The following RPS6KA6 variants were observed in gnomAD, a reference collection of about 807,000 sequenced individuals.
RPS6KA6 encodes ribosomal protein S6 kinase A6, also known as ribosomal protein S6 kinase alpha-6.
Under a neutral mutation model 65.4 loss-of-function variants are expected in RPS6KA6, and 27 were observed. The observed-to-expected ratio is 0.41, with a 90% CI of 0.30 to 0.57. The LOEUF (loss-of-function observed/expected upper bound fraction) is 0.57, where lower values mean the gene tolerates loss of function less well. RPS6KA6 is among the 20% of genes least tolerant of loss of function. The pLI is 0.24. For synonymous variants in RPS6KA6, 190 were observed against 184.2 expected (o/e 1.03, Z -0.26); for missense variants, 486 against 555.6 (o/e 0.87, Z 1.26).
intron 1 of RPS6KA6, among the ~76,000 whole-genome samples, chrX:84,172,204 T>C (rs752201193): frequency 8.9e-6 from 1 of 112,053 alleles, no homozygotes; most frequent in South Asian, 3.7e-4. Context: ...TAAACATACG[T>C]GTGCATGTGT....
intron 20 of RPS6KA6, among the ~76,000 whole-genome samples, chrX:84,072,154 T>C (rs753870150): frequency 9.0e-6 from 1 of 111,486 alleles, no homozygotes; most frequent in Non-Finnish European, 1.9e-5. Context: ...AGAACATAGA[T>C]GCAAAAATCC....
chrX:84,059,813 T>C lies in RPS6KA6; in HGVS notation c.*4464A>G, dbSNP rs773500217. ...TACAAAGCAAACCCTAACTTGGCAATTACATATATATATTTATTTATAAGC... is the reference window on the plus strand; with the variant it reads ...TACAAAGCAAACCCTAACTTGGCAACTACATATATATATTTATTTATAAGC... On this transcript the variant is annotated 3_prime_UTR_variant, in exon 22 of 22. Transcript: ENST00000262752. The C allele has an allele frequency of 9.9e-5, 11 of 110,861 alleles. No homozygotes were observed. The highest frequency in any genetic ancestry group is 3.6e-4 in the African/African-American group (11 of 30,829). 9.1% of individuals were successfully genotyped at this position (110,861 alleles called of 1,213,427 possible). A position where few individuals can be genotyped will look rare whatever the true frequency, so the allele number is the denominator to read the frequency against.
At chrX:84,167,523 C>T (rs1320281100) in intron 1 of RPS6KA6, among the ~76,000 whole-genome samples, 2 of 110,474 alleles carry the variant, frequency 1.8e-5, no homozygotes, top group African/African-American at 6.6e-5. Context: ...ATAATTGGTT[C>T]AACGGGTTGG....
chrX:84,177,910 T>A (rs1219855932), intron 1 of RPS6KA6, among the ~76,000 whole-genome samples: 2 of 111,111 alleles, frequency 1.8e-5, no homozygotes, highest in Non-Finnish European at 3.8e-5. Flanking sequence ...TCCTCCCACC[T>A]CAGCTCCACA....
intron 6 of RPS6KA6, 138 bp from the exon 7 acceptor site, chrX:84,135,348 G>A: frequency 2.5e-6 from 1 of 404,407 alleles, no homozygotes; most frequent in Non-Finnish European, 4.3e-6. Flanking sequence ...TTATTTGACT[G>A]GCATAATTAT....
At chrX:84,084,625 T>A (rs1003851997) in intron 20 of RPS6KA6, among the ~76,000 whole-genome samples, 1 of 112,285 alleles carries the variant, frequency 8.9e-6, no homozygotes, top group Non-Finnish European at 1.9e-5. Flanking sequence ...TGTAGTATAG[T>A]TTGAAGTCAA....
chrX:84,150,856 T>G (rs776355456), intron 3 of RPS6KA6, among the ~76,000 whole-genome samples: 1 of 95,590 alleles, frequency 1.0e-5, no homozygotes, highest in East Asian at 3.5e-4. Context: ...GATATATATA[T>G]ATAGAGGATA....
At chrX:84,166,887 T>C (rs2035604173) in intron 1 of RPS6KA6, among the ~76,000 whole-genome samples, 1 of 111,350 alleles carries the variant, frequency 9.0e-6, no homozygotes, top group Non-Finnish European at 1.9e-5. Flanking sequence ...TATTGAATTG[T>C]ATATTTTAAA....
chrX:84,065,603 C>T lies in RPS6KA6; in HGVS notation c.1972-492G>A, dbSNP rs192972917. On this transcript the variant is annotated intron_variant, in intron 20 of 21. Transcript: ENST00000262752. The stretch of plus-strand genomic sequence containing the variant: ...TAAATCCAATGTTAGCAAGTGGCTT[C>T]TATCATAGTAGTCCCCAGTGCATTT... Among the ~76,000 whole-genome samples, 15 of 111,957 alleles carry T rather than the reference C, an allele frequency of 1.3e-4. No individual in the cohort carries two copies. In the Admixed American group the frequency reaches 1.4e-3, roughly 11 times the overall value.
At chrX:84,165,348 CCT>C (rs1406621437) in intron 1 of RPS6KA6, among the ~76,000 whole-genome samples, 1 of 110,847 alleles carries the variant, frequency 9.0e-6, no homozygotes, top group African/African-American at 3.3e-5. Context: ...CCTATCTCCC[CCT>C]ATTATAAACT....
intron 9 of RPS6KA6, among the ~76,000 whole-genome samples, chrX:84,119,505 A>T (rs1380266666): frequency 9.0e-6 from 1 of 111,596 alleles, no homozygotes; most frequent in Non-Finnish European, 1.9e-5. Flanking sequence ...TTTCTAGGGA[A>T]TACATGGAAC....
rs923261785 is a variant in RPS6KA6 at position 84,148,480 on chromosome X, CA to C, written c.259-358del. Among the ~76,000 whole-genome samples, 19 of 110,253 alleles carry C rather than the reference CA, an allele frequency of 1.7e-4. No individual in the cohort carries two copies. The South Asian group carries it at 2.7e-3, about 16-fold the overall frequency. On this transcript the variant is annotated intron_variant, in intron 3 of 21. Transcript: ENST00000262752. ...TCTTAGATTTAATTTAGTTTTTAAT[CA>C]AAAAAACTGTTATGATTTAATAAAT...
Position 84,064,355 on chromosome X carries a change from T to C in RPS6KA6, c.2160A>G (p.Gln720=). 1.7e-6 allele frequency: 2 copies of C among 1,208,051 alleles called. No homozygotes were observed. The highest frequency in any genetic ancestry group is 2.3e-4 in the Middle Eastern group (1 of 4,346). Reference sequence around the variant, plus strand: ...AAGCAGCTACAGGCTCTAGGACTGGTTGAAAGGTCTTGTGAGTCAGGGCAG... The same window carrying C: ...AAGCAGCTACAGGCTCTAGGACTGGCTGAAAGGTCTTGTGAGTCAGGGCAG... The part of the protein sequence containing the change: ...TYSALTHKTF[Q]PVLEPVAASS... The change falls in exon 22 of 22, where the codon CAA becomes CAG. Residue 720 remains glutamine (Q), a synonymous_variant. Coordinates refer to ENST00000262752, the MANE Select transcript of RPS6KA6 (RefSeq NM_014496.5).
intron 8 of RPS6KA6, among the ~76,000 whole-genome samples, chrX:84,127,155 C>T (rs745455546): frequency 9.9e-5 from 11 of 111,000 alleles, no homozygotes; most frequent in Admixed American, 8.6e-4. Context: ...GGAAATATTA[C>T]GACTGATACC....
intron 10 of RPS6KA6, 40 bp downstream of exon 10, chrX:84,117,344 G>C: frequency 1.1e-6 from 1 of 925,670 alleles, no homozygotes; most frequent in Non-Finnish European, 1.5e-6. Context: ...GAAAGCAAGA[G>C]ATTTTTTTCC....
chrX:84,087,237 G>C (rs1166284204), intron 20 of RPS6KA6, among the ~76,000 whole-genome samples: 1 of 109,412 alleles, frequency 9.1e-6, no homozygotes, highest in East Asian at 2.8e-4. Context: ...TTATGTGGTT[G>C]TTTCATAATG....
At chrX:84,156,373 C>G (rs897194822) in intron 2 of RPS6KA6, among the ~76,000 whole-genome samples, 182 bp from the exon 3 acceptor site, 6 of 111,114 alleles carry the variant, frequency 5.4e-5, no homozygotes, top group Non-Finnish European at 7.6e-5. Context: ...GATGCACCAC[C>G]ACCACCTTCC....
chrX:84,074,729 T>C (rs906897578), intron 20 of RPS6KA6, among the ~76,000 whole-genome samples: 1 of 111,564 alleles, frequency 9.0e-6, no homozygotes, highest in Admixed American at 9.5e-5. Context: ...TAAAAGTATC[T>C]AGCACCCACC....
chrX:84,130,581 C>G (rs757528338), intron 8 of RPS6KA6, among the ~76,000 whole-genome samples: 61 of 111,381 alleles, frequency 5.5e-4, no homozygotes, highest in Non-Finnish European at 8.3e-4. Flanking sequence ...TTCATCATTG[C>G]CCAAAGCAGG....
Sources: gnomAD v4.1 joint callset for allele counts (sites outside exome capture counted in the v4.1 genomes callset) on GRCh38, gnomAD v4.1.1 for gene constraint, MANE v1.5 for transcripts, NCBI Gene and HGNC (gene_info 2026-07-23, HGNC 2026-07-21) for gene names.